Variants in CCDC170 observed in about 807,000 individuals in gnomAD.
The protein encoded by CCDC170 is coiled-coil domain-containing protein 170.
Under a neutral mutation model 72.6 loss-of-function variants are expected in CCDC170, and 69 were observed. The ratio of observed to expected loss-of-function variants is 0.95; its 90% CI spans 0.78 to 1.16. The LOEUF (loss-of-function observed/expected upper bound fraction) is 1.16. Among genes scored for constraint, CCDC170 ranks in the 50% most tolerant of loss-of-function variants. CCDC170 has a pLI of 0.00. For missense variants in CCDC170, 852 were observed against 832.5 expected (o/e 1.02, Z -0.29); for synonymous variants, 300 against 303.9 (o/e 0.99, Z 0.13).
chr6:151,548,533 A>C, intron 5 of CCDC170, 44 bp downstream of exon 5: 4 of 1,440,022 alleles, frequency 2.8e-6, no homozygotes, highest in Non-Finnish European at 3.7e-6. Flanking sequence ...ACCATGTTGA[A>C]GAAGCAGAAA....
At chr6:151,517,143 T>C (rs532023118) in intron 1 of CCDC170, among the ~76,000 whole-genome samples, 9 of 152,150 alleles carry the variant, frequency 5.9e-5, no homozygotes, top group Non-Finnish European at 8.8e-5. Context: ...GAGACCAGCC[T>C]GACCAACATG....
chr6:151,543,804 C>G (rs1353308796), intron 3 of CCDC170, among the ~76,000 whole-genome samples: 4 of 152,140 alleles, frequency 2.6e-5, no homozygotes, highest in Non-Finnish European at 5.9e-5. Flanking sequence ...CAGGATTTCA[C>G]TCTTTTAAAA....
chr6:151,552,196 G>C (rs533420635), intron 5 of CCDC170, among the ~76,000 whole-genome samples: 1 of 152,190 alleles, frequency 6.6e-6, no homozygotes, highest in African/African-American at 2.4e-5. Flanking sequence ...TAAGGCTTTT[G>C]GCAAGAATAT....
chr6:151,530,264 A>G (rs1186917428), intron 1 of CCDC170, among the ~76,000 whole-genome samples: 1 of 151,882 alleles, frequency 6.6e-6, no homozygotes, highest in Non-Finnish European at 1.5e-5. Context: ...TTTTGATAAG[A>G]TCATGAGAAA....
intron 6 of CCDC170, among the ~76,000 whole-genome samples, chr6:151,583,699 C>G (rs1776410797): frequency 6.6e-6 from 1 of 152,158 alleles, no homozygotes; most frequent in African/African-American, 2.4e-5. Context: ...TTCAGGTGAT[C>G]CACCCAGTTT....
chr6:151,557,281 C>CCGGGTGA (rs1782996619), intron 5 of CCDC170, among the ~76,000 whole-genome samples: 1 of 151,742 alleles, frequency 6.6e-6, no homozygotes, highest in Non-Finnish European at 1.5e-5. Flanking sequence ...TGGTGGTGCA[C>CCGGGTGA]GCCTGTAGTC....
At chr6:151,573,545 T>A in intron 6 of CCDC170, 54 bp downstream of exon 6, 1 of 1,509,774 alleles carries the variant, frequency 6.6e-7, no homozygotes, top group Non-Finnish European at 9.1e-7. Flanking sequence ...GCTCATTCAT[T>A]TAGCATGCTC....
intron 3 of CCDC170, among the ~76,000 whole-genome samples, chr6:151,541,766 A>T (rs1191909250): frequency 6.7e-6 from 1 of 149,104 alleles, no homozygotes; most frequent in East Asian, 1.9e-4. Context: ...AATCATATAC[A>T]AATGACTTTA....
intron 9 of CCDC170, among the ~76,000 whole-genome samples, chr6:151,613,008 T>G (rs745863430): frequency 3.3e-5 from 5 of 152,218 alleles, no homozygotes; most frequent in Admixed American, 6.5e-5. Flanking sequence ...GTTTATTTAT[T>G]TATTTCAGGT....
chr6:151,537,432 C>G (rs1464317369), intron 2 of CCDC170, among the ~76,000 whole-genome samples: 2 of 152,164 alleles, frequency 1.3e-5, no homozygotes, highest in Admixed American at 1.3e-4. Context: ...GACATTTTAA[C>G]TCAATAGGGC....
intron 1 of CCDC170, among the ~76,000 whole-genome samples, chr6:151,530,715 G>A (rs1409250709): frequency 1.3e-5 from 2 of 152,032 alleles, no homozygotes; most frequent in Non-Finnish European, 1.5e-5. Flanking sequence ...GATTACAGGT[G>A]TGAGCCACTG....
At chr6:151,527,975 A>G (rs2115038829) in intron 1 of CCDC170, among the ~76,000 whole-genome samples, 2 of 152,336 alleles carry the variant, frequency 1.3e-5, no homozygotes, top group South Asian at 4.1e-4. Flanking sequence ...CCCAGGTCAG[A>G]TAATTTGGCA....
rs1781874521 is a variant in CCDC170, at chr6:151,494,135, C to T, written c.7C>T (p.Leu3=). 1 of 1,513,036 alleles carries T rather than the reference C, an allele frequency of 6.6e-7. No homozygotes were observed. 93.7% of individuals were successfully genotyped at this position (1,513,036 alleles called of 1,614,324 possible). The stretch of plus-strand genomic sequence containing the variant: ...CCCCCGGGCTCGGGTCGTCATGAGC[C>T]TGGACTGCACCAGCCATATCGCGCT... MS[L]DCTSHIALGA... Residue 3 remains leucine, a synonymous_variant, in exon 1 of 11, where the codon CTG becomes TTG. Coordinates refer to ENST00000239374, the MANE Select transcript of CCDC170 (RefSeq NM_025059.4).
At chr6:151,547,377 A>C (rs985265265) in intron 4 of CCDC170, among the ~76,000 whole-genome samples, 1 of 152,186 alleles carries the variant, frequency 6.6e-6, no homozygotes, top group African/African-American at 2.4e-5. Flanking sequence ...GAAAGGTGCA[A>C]TACAGAAAAA....
chr6:151,578,181 T>C (rs1776330347), intron 6 of CCDC170, among the ~76,000 whole-genome samples: 1 of 152,222 alleles, frequency 6.6e-6, no homozygotes, highest in African/African-American at 2.4e-5. Flanking sequence ...AGCGAACAGA[T>C]GGAAGTTTCA....
At chr6:151,515,852 G>A (rs1008037839) in intron 1 of CCDC170, among the ~76,000 whole-genome samples, 4 of 152,102 alleles carry the variant, frequency 2.6e-5, no homozygotes, top group African/African-American at 7.2e-5. Flanking sequence ...TGGATCACGA[G>A]GTCAAGAGAT....
At chr6:151,571,501 G>C (rs1415299468) in intron 5 of CCDC170, among the ~76,000 whole-genome samples, 1 of 152,176 alleles carries the variant, frequency 6.6e-6, no homozygotes, top group Non-Finnish European at 1.5e-5. Context: ...GCCGAAGCGG[G>C]TAGATCACCT....
intron 3 of CCDC170, among the ~76,000 whole-genome samples, chr6:151,544,223 C>G (rs974084201): frequency 6.6e-6 from 1 of 152,176 alleles, no homozygotes; most frequent in Non-Finnish European, 1.5e-5. Context: ...AATGAAGACC[C>G]ATGGCTATGT....
intron 1 of CCDC170, among the ~76,000 whole-genome samples, chr6:151,494,487 G>A (rs1781880454): frequency 6.6e-6 from 1 of 152,170 alleles, no homozygotes; most frequent in South Asian, 2.1e-4. Flanking sequence ...CGCCACCCCT[G>A]GGAGCAAAGA....
Sources: gnomAD v4.1 joint callset for allele counts (sites outside exome capture counted in the v4.1 genomes callset) on GRCh38, gnomAD v4.1.1 for gene constraint, MANE v1.5 for transcripts, NCBI Gene and HGNC (gene_info 2026-07-23, HGNC 2026-07-21) for gene names.